Variants in CEP112 observed in about 807,000 individuals in gnomAD.
CEP112 encodes centrosomal protein of 112 kDa.
CEP112 carries 127 observed loss-of-function variants against 153.0 expected under a neutral mutation model. That is an observed-to-expected ratio of 0.83 (90% CI 0.72 to 0.96). The LOEUF is 0.96. Among genes scored for constraint, CEP112 ranks in the 40% least tolerant of loss-of-function variants. The pLI is 0.00. For missense variants in CEP112, 1,089 were observed against 1,101.2 expected (o/e 0.99, Z 0.16); for synonymous variants, 358 against 374.4 (o/e 0.96, Z 0.51).
rs920700388 is a variant in CEP112 at position 65,765,315 on chromosome 17, T to G, written c.2395-14591A>C. On this transcript the variant is annotated intron_variant, in intron 21 of 26. Coordinates refer to ENST00000535342, the MANE Select transcript of CEP112 (RefSeq NM_001199165.4). Reference sequence around the variant, plus strand: ...ACATTTTCTTTTCTTTGGGGTCAGTTACTAAAGAATTATTGTGTTCTTTGG... The same window carrying G: ...ACATTTTCTTTTCTTTGGGGTCAGTGACTAAAGAATTATTGTGTTCTTTGG... 3.3e-5 allele frequency among the ~76,000 whole-genome samples: 5 copies of G among 151,750 alleles called. No individual in the cohort carries two copies. The East Asian group carries it at 7.7e-4, about 23-fold the overall frequency.
chr17:65,839,755 T>C lies in CEP112; in HGVS notation c.2394+12049A>G, dbSNP rs191739204. 4.0e-4 allele frequency among the ~76,000 whole-genome samples: 61 copies of C among 152,064 alleles called. 1 individual carries two copies. In the East Asian group the frequency reaches 0.01, roughly 26 times the overall value. ...TTATCCTTATTCACAGACAACATGA[T>C]CATATATTAAGAAAAACCTAAAGAC... is the stretch of plus-strand genomic sequence containing the variant. On this transcript the variant is annotated intron_variant, in intron 21 of 26. Transcript: ENST00000535342.
intron 17 of CEP112, among the ~76,000 whole-genome samples, chr17:65,999,525 A>T (rs2063931787): frequency 6.6e-6 from 1 of 151,082 alleles, no homozygotes; most frequent in African/African-American, 2.4e-5. Flanking sequence ...TATTTTTCCT[A>T]TATTTACTCA....
At chr17:65,927,751 T>C in intron 18 of CEP112, 62 bp from the exon 19 acceptor site, 1 of 1,042,150 alleles carries the variant, frequency 9.6e-7, no homozygotes, top group East Asian at 2.9e-5. Flanking sequence ...CATGTTTTTG[T>C]AATTTGTCCA....
At position 66,085,272 on chromosome 17, in the gene CEP112, A is replaced by G. The variant is rs1253209434; in HGVS notation, c.768+10979T>C. 2.6e-5 allele frequency among the ~76,000 whole-genome samples: 4 copies of G among 152,224 alleles called. No homozygotes were observed. The South Asian group carries it at 8.3e-4, about 31-fold the overall frequency. ...TATAACAGAGAGTTATACAACCGTTAGCACAATCTAATTTTAGAACATTTT... is the reference window on the plus strand; with the variant it reads ...TATAACAGAGAGTTATACAACCGTTGGCACAATCTAATTTTAGAACATTTT... On this transcript the variant is annotated intron_variant, in intron 8 of 26. Transcript: ENST00000535342.
intron 23 of CEP112, among the ~76,000 whole-genome samples, chr17:65,733,815 T>G (rs1208887987): frequency 6.6e-6 from 1 of 152,194 alleles, no homozygotes; most frequent in African/African-American, 2.4e-5. Context: ...CTCAAAAACC[T>G]CACAGTCTAG....
At chr17:66,092,579 T>G (rs2068184633) in intron 8 of CEP112, among the ~76,000 whole-genome samples, 1 of 151,936 alleles carries the variant, frequency 6.6e-6, no homozygotes, top group Non-Finnish European at 1.5e-5. Flanking sequence ...GAAAGGAAAA[T>G]TATAGGCCAA....
chr17:66,102,882 T>C (rs1324307851), intron 6 of CEP112, among the ~76,000 whole-genome samples: 3 of 151,672 alleles, frequency 2.0e-5, no homozygotes, highest in African/African-American at 7.2e-5. Context: ...ATTTTTAATT[T>C]GATAAATGGA....
chr17:66,004,121 A>T (rs2064171964), intron 17 of CEP112, among the ~76,000 whole-genome samples: 2 of 152,168 alleles, frequency 1.3e-5, no homozygotes, highest in Admixed American at 6.5e-5. Flanking sequence ...TCATGAAGAA[A>T]GTAGTTAATT....
At chr17:66,107,279 A>C (rs1161499305) in intron 6 of CEP112, among the ~76,000 whole-genome samples, 1 of 152,086 alleles carries the variant, frequency 6.6e-6, no homozygotes, top group Non-Finnish European at 1.5e-5. Flanking sequence ...CATAGTACCG[A>C]AAGTCCTAGC....
intron 21 of CEP112, among the ~76,000 whole-genome samples, chr17:65,850,512 C>A (rs2057892177): frequency 6.6e-6 from 1 of 152,090 alleles, no homozygotes; most frequent in African/African-American, 2.4e-5. Context: ...TTGGCTAGAC[C>A]CAGCTCTCTA....
intron 18 of CEP112, among the ~76,000 whole-genome samples, chr17:65,943,849 A>G (rs184384709): frequency 6.6e-6 from 1 of 152,154 alleles, no homozygotes; most frequent in Non-Finnish European, 1.5e-5. Context: ...AGGTACACCA[A>G]TCAGTCATAG....
At chr17:66,170,693 G>A (rs1568573052) in intron 4 of CEP112, among the ~76,000 whole-genome samples, 1 of 152,050 alleles carries the variant, frequency 6.6e-6, no homozygotes, top group Non-Finnish European at 1.5e-5. Flanking sequence ...AACCTGGGAG[G>A]CAGAGGTTGC....
chr17:65,666,361 A>G (rs766376732), intron 24 of CEP112, among the ~76,000 whole-genome samples: 2 of 152,262 alleles, frequency 1.3e-5, no homozygotes, highest in East Asian at 3.9e-4. Context: ...TTTTCATACA[A>G]TGTCTACCTC....
At chr17:65,838,951 C>T (rs2057418754) in intron 21 of CEP112, among the ~76,000 whole-genome samples, 1 of 152,020 alleles carries the variant, frequency 6.6e-6, no homozygotes, top group Non-Finnish European at 1.5e-5. Flanking sequence ...CAAAATTCAA[C>T]TATGAAGAAA....
chr17:66,006,195 T>C (rs1051294150), intron 16 of CEP112, among the ~76,000 whole-genome samples: 2 of 152,166 alleles, frequency 1.3e-5, no homozygotes, highest in Non-Finnish European at 2.9e-5. Context: ...TATAACTATT[T>C]ACTGAGTTTG....
At chr17:65,713,047 C>T (rs1043500945) in intron 23 of CEP112, among the ~76,000 whole-genome samples, 2 of 152,208 alleles carry the variant, frequency 1.3e-5, no homozygotes, top group Admixed American at 6.5e-5. Context: ...ACAACTGAAA[C>T]CACAGTATAA....
intron 20 of CEP112, among the ~76,000 whole-genome samples, chr17:65,854,662 G>A (rs1386467272): frequency 6.6e-6 from 1 of 152,164 alleles, no homozygotes; most frequent in African/African-American, 2.4e-5. Context: ...GCTGATCCTT[G>A]TAAACCTGTA....
Position 65,936,622 on chromosome 17 carries a change from T to A in CEP112, c.1873-8933A>T, listed in dbSNP as rs115337020. Reference sequence around the variant, plus strand: ...AATTTATCCCTGGGATGCAAAAGTGTTTCAACATATGCAAATCAATAAATG... The same window carrying A: ...AATTTATCCCTGGGATGCAAAAGTGATTCAACATATGCAAATCAATAAATG... On this transcript the variant is annotated intron_variant, in intron 18 of 26. Coordinates refer to ENST00000535342, the MANE Select transcript of CEP112 (RefSeq NM_001199165.4). Among the ~76,000 whole-genome samples the A allele has an allele frequency of 1.6e-3, 240 of 152,206 alleles. 2 individuals are homozygous for A. The highest frequency in any genetic ancestry group is 5.5e-3 in the African/African-American group (228 of 41,528).
intron 18 of CEP112, among the ~76,000 whole-genome samples, chr17:65,942,635 T>C (rs557577867): frequency 6.6e-6 from 1 of 152,346 alleles, no homozygotes; most frequent in East Asian, 1.9e-4. Context: ...TTCCTGCCGA[T>C]AGCAAATTAA....
Sources: allele counts gnomAD v4.1 joint callset (sites outside exome capture counted in the v4.1 genomes callset), GRCh38; gene constraint gnomAD v4.1.1; transcripts MANE v1.5; gene names NCBI Gene and HGNC (gene_info 2026-07-23, HGNC 2026-07-21).